Variants in SNRNP27 observed in about 807,000 individuals in gnomAD.
The protein encoded by SNRNP27 is U4/U6.U5 small nuclear ribonucleoprotein 27 kDa protein.
In SNRNP27, 22 loss-of-function variants were observed where a neutral mutation model predicts 25.1. The observed-to-expected ratio is 0.88, with a 90% confidence interval of 0.63 to 1.25. The LOEUF is 1.25. SNRNP27 is among the 50% of genes most tolerant of loss of function. The pLI is 0.00. For missense variants in SNRNP27, 150 were observed against 202.3 expected, an observed-to-expected ratio of 0.74 and a Z score of 1.57; for synonymous variants, 66 against 64.9, an observed-to-expected ratio of 1.02 and a Z score of -0.08.
intron 3 of SNRNP27, 70 bp downstream of exon 3, chr2:69,896,618 A>G: frequency 7.0e-7 from 1 of 1,421,920 alleles, no homozygotes. Flanking sequence ...TTAATCTTGA[A>G]CATTTAAATG....
intron 4 of SNRNP27, among the ~76,000 whole-genome samples, chr2:69,899,799 G>C (rs957709488): frequency 6.6e-6 from 1 of 152,112 alleles, no homozygotes; most frequent in Non-Finnish European, 1.5e-5. Flanking sequence ...GTATGATCAT[G>C]GCTCACTGCA....
chr2:69,904,411 C>G lies in SNRNP27; in HGVS notation c.*103C>G, dbSNP rs1338053699. 3.4e-6 allele frequency: 3 copies of G among 888,654 alleles called. No homozygotes were observed. Among genetic ancestry groups the G allele is most frequent in the East Asian group, 4.9e-5 (2 of 40,718 alleles). 55.0% of individuals were successfully genotyped at this position (888,654 alleles called of 1,614,324 possible). A position where few individuals can be genotyped will look rare whatever the true frequency, so the allele number is the denominator to read the frequency against. ...GCATTCAAAAAACAGGATCTCAGTTCTCCTTTCTTGTAAAGTAAGAAAATC... is the reference window on the plus strand; with the variant it reads ...GCATTCAAAAAACAGGATCTCAGTTGTCCTTTCTTGTAAAGTAAGAAAATC... On this transcript the variant is annotated 3_prime_UTR_variant, in exon 6 of 6. Transcript: ENST00000244227.
chr2:69,895,251 G>C (rs1314171620), intron 2 of SNRNP27, 37 bp downstream of exon 2: 1 of 1,606,444 alleles, frequency 6.2e-7, no homozygotes, highest in South Asian at 1.1e-5. Flanking sequence ...TTTATTTACC[G>C]AAAGTCCCTA....
At chr2:69,897,326 A>G (rs1192633260) in intron 3 of SNRNP27, 51 bp from the exon 4 acceptor site, 3 of 1,228,974 alleles carry the variant, frequency 2.4e-6, no homozygotes, top group South Asian at 1.2e-5. Flanking sequence ...CTTTTTATTT[A>G]TGTATATATT....
At chr2:69,896,919 C>T (rs1676613795) in intron 3 of SNRNP27, among the ~76,000 whole-genome samples, 1 of 152,124 alleles carries the variant, frequency 6.6e-6, no homozygotes, top group Non-Finnish European at 1.5e-5. Context: ...GGTGATCCTC[C>T]CGCCTCGGCC....
chr2:69,901,754 G>C (rs1676703853), intron 4 of SNRNP27, among the ~76,000 whole-genome samples: 1 of 152,190 alleles, frequency 6.6e-6, no homozygotes, highest in African/African-American at 2.4e-5. Flanking sequence ...CCAGGAGTTT[G>C]AGGCTGCAGT....
At chr2:69,903,277 T>G (rs1676740778) in intron 5 of SNRNP27, 32 bp downstream of exon 5, 3 of 1,494,928 alleles carry the variant, frequency 2.0e-6, no homozygotes, top group Non-Finnish European at 2.8e-6. Context: ...ATGTTTGAAC[T>G]AATAAATCAG....
chr2:69,897,403 G>A lies in SNRNP27; in HGVS notation c.295G>A (p.Glu99Lys), dbSNP rs1676623955. 6.2e-7 allele frequency: 1 copy of A among 1,613,218 alleles called. No homozygotes were observed. Among genetic ancestry groups the A allele is most frequent in the African/African-American group, 1.3e-5 (1 of 74,896 alleles). ...TEEDLEGKTE[E>K]EIEMMKLMGF... ...GGAAGACTTAGAGGGCAAAACAGAG[G>A]AAGAAATAGAAATGATGAAGTTAAT... Residue 99 changes from glutamate (E) to lysine (K), a missense_variant, in exon 4 of 6, where the codon GAA becomes AAA. Around this residue, in one of 2 missense-constraint regions of SNRNP27, gnomAD observed 142 missense variants for 168.6 expected, o/e 0.84. Coordinates refer to ENST00000244227, the MANE Select transcript of SNRNP27 (RefSeq NM_006857.3).
intron 4 of SNRNP27, among the ~76,000 whole-genome samples, chr2:69,898,609 A>G (rs190197758): frequency 1.3e-5 from 2 of 152,318 alleles, no homozygotes; most frequent in East Asian, 3.9e-4. Context: ...TTGAGTTGCT[A>G]ATGGAATGGG....
intron 4 of SNRNP27, among the ~76,000 whole-genome samples, chr2:69,902,647 G>A (rs949630466): frequency 2.0e-5 from 3 of 150,152 alleles, no homozygotes; most frequent in African/African-American, 4.9e-5. Context: ...TGCTTCTTTT[G>A]CTTCTGCTTC....
At position 69,905,183 on chromosome 2, in the gene SNRNP27, A is replaced by G. The variant is rs1573392919; in HGVS notation, c.*875A>G. The G allele has an allele frequency of 6.6e-6, 1 of 152,290 alleles. No individual in the cohort carries two copies. The highest frequency in any genetic ancestry group is 2.1e-4 in the South Asian group (1 of 4,828). The allele number at this position is 152,290 out of a possible 1,614,324, so 9.4% of individuals were successfully genotyped here. A position where few individuals can be genotyped will look rare whatever the true frequency, so the allele number is the denominator to read the frequency against. ...ATTGGTAAACATTGGCTTGCCTCCC[A>G]TGACTTGCCATTATAATTAAAACTG... is the stretch of plus-strand genomic sequence containing the variant. On this transcript the variant is annotated 3_prime_UTR_variant, in exon 6 of 6. Coordinates refer to ENST00000244227, the MANE Select transcript of SNRNP27 (RefSeq NM_006857.3).
Position 69,895,080 on chromosome 2 carries a change from T to C in SNRNP27, c.35-14T>C. 1 of 1,611,524 alleles carries C rather than the reference T, an allele frequency of 6.2e-7. No homozygotes were observed. The highest frequency in any genetic ancestry group is 8.5e-7 in the Non-Finnish European group (1 of 1,179,524). On this transcript the variant is annotated splice_polypyrimidine_tract_variant and intron_variant, in intron 1 of 5. Coordinates refer to ENST00000244227, the MANE Select transcript of SNRNP27 (RefSeq NM_006857.3). ...GTAATTATCAGTTCTGCAATTTGTG[T>C]GCGTTTGCATTAGAACGTAGGCGTT...
chr2:69,895,812 G>A (rs562408895), intron 2 of SNRNP27, among the ~76,000 whole-genome samples: 31 of 152,156 alleles, frequency 2.0e-4, no homozygotes, highest in Non-Finnish European at 3.5e-4. Context: ...CACCCACCTC[G>A]GCCTCCCAAA....
chr2:69,902,647 GCTTCTGCTT>G (rs1226150132), intron 4 of SNRNP27, among the ~76,000 whole-genome samples: 2 of 150,152 alleles, frequency 1.3e-5, no homozygotes, highest in Non-Finnish European at 3.0e-5. Context: ...TGCTTCTTTT[GCTTCTGCTT>G]CTTCTGCTGC....
chr2:69,894,748 C>G (rs542818334), intron 1 of SNRNP27, among the ~76,000 whole-genome samples: 212 of 152,182 alleles, frequency 1.4e-3, no homozygotes, highest in African/African-American at 4.9e-3. Context: ...AGTGGCCGAT[C>G]TCAGCTCACT....
intron 5 of SNRNP27, among the ~76,000 whole-genome samples, chr2:69,903,675 T>G (rs1232938686): frequency 6.6e-6 from 1 of 152,210 alleles, no homozygotes; most frequent in Non-Finnish European, 1.5e-5. Flanking sequence ...GAAATCTCAC[T>G]GAATTCTTAA....
Position 69,896,482 on chromosome 2 carries a change from A to G in SNRNP27, c.202A>G (p.Lys68Glu). The change falls in exon 3 of 6, where the codon AAA becomes GAA. Residue 68 changes from lysine (K) to glutamate (E), a missense_variant. Physicochemically the swap from Lys to Glu is moderately conservative, Grantham distance 56. Coordinates refer to ENST00000244227, the MANE Select transcript of SNRNP27 (RefSeq NM_006857.3). ...CACATCTCCTTCCCCTTCTCGACTG[A>G]AAGAAAGAAGAGATGAGGAAAAGAA... ...RSTSPSPSRL[K>E]ERRDEEKKET... 6.2e-7 allele frequency: 1 copy of G among 1,611,108 alleles called. No individual in the cohort carries two copies. Among genetic ancestry groups the G allele is most frequent in the Non-Finnish European group, 8.5e-7 (1 of 1,178,254 alleles).
chr2:69,904,216 A>T (rs1676755225), intron 5 of SNRNP27, 38 bp from the exon 6 acceptor site: 1 of 1,463,524 alleles, frequency 6.8e-7, no homozygotes, highest in Non-Finnish European at 9.4e-7. Flanking sequence ...GGAGTATAGG[A>T]TTAAAAAAAA....
chr2:69,902,339 C>CTGCTGCTGCTCT (rs942391243), intron 4 of SNRNP27, among the ~76,000 whole-genome samples: 2 of 151,784 alleles, frequency 1.3e-5, no homozygotes, highest in Admixed American at 6.6e-5. Context: ...TCCGCTGCTG[C>CTGCTGCTGCTCT]TGCTGCTGCT....
Sources: allele counts gnomAD v4.1 joint callset (sites outside exome capture counted in the v4.1 genomes callset), GRCh38; gene constraint gnomAD v4.1.1; regional missense constraint gnomAD v4.1.1; transcripts MANE v1.5; gene names NCBI Gene and HGNC (gene_info 2026-07-23, HGNC 2026-07-21).